CAST: variants seen among roughly 807,000 people sequenced by gnomAD.
CAST encodes the protein MIR583 host.
CAST carries 76 observed loss-of-function variants against 119.6 expected under a neutral mutation model. The observed-to-expected ratio is 0.64, with a 90% CI of 0.53 to 0.77. The LOEUF (loss-of-function observed/expected upper bound fraction) is 0.77, where lower values mean the gene tolerates loss of function less well. Ranked by LOEUF, CAST falls within the 30% of genes least tolerant of loss-of-function variation. The pLI, the probability that CAST is intolerant of heterozygous loss-of-function variation, is 0.00. For synonymous variants in CAST, 319 were observed against 331.6 expected (o/e 0.96, Z 0.41); for missense variants, 953 against 946.5 (o/e 1.01, Z -0.09).
chr5:96,324,420 A>G, the CAST span, among the ~76,000 whole-genome samples: 1 of 152,222 alleles, frequency 6.6e-6, no homozygotes, highest in Non-Finnish European at 1.5e-5. Context: ...ACTGGCCTTT[A>G]TCCTAATCGT....
the CAST span, among the ~76,000 whole-genome samples, chr5:96,511,333 C>T: frequency 1.3e-5 from 2 of 151,910 alleles, no homozygotes; most frequent in Non-Finnish European, 2.9e-5. Context: ...TTAGTAGAGA[C>T]GGGTTTCATC....
chr5:96,626,561 G>A (rs1747727818), intron 1 of CAST, among the ~76,000 whole-genome samples: 1 of 152,116 alleles, frequency 6.6e-6, no homozygotes, highest in South Asian at 2.1e-4. Flanking sequence ...TTCCTCTGAT[G>A]AAGCCCCACC....
At chr5:96,354,282 A>C in the CAST span, among the ~76,000 whole-genome samples, 1 of 152,196 alleles carries the variant, frequency 6.6e-6, no homozygotes, top group Admixed American at 6.6e-5. Context: ...CATAATTTAG[A>C]AGTATTTTTT....
upstream of CAST, among the ~76,000 whole-genome samples, chr5:96,521,158 A>G (rs772466766): frequency 5.3e-5 from 8 of 152,110 alleles, no homozygotes; most frequent in Non-Finnish European, 7.4e-5. Flanking sequence ...TCTTCTTTTG[A>G]TCCCTAGAAC....
chr5:96,744,739 C>T (rs1381329340), intron 16 of CAST, among the ~76,000 whole-genome samples: 3 of 152,134 alleles, frequency 2.0e-5, no homozygotes, highest in Non-Finnish European at 4.4e-5. Context: ...TCAGGAAGGT[C>T]ACTGTCAGCC....
chr5:96,696,317 A>G (rs1178129367), intron 3 of CAST: 2 of 153,228 alleles, frequency 1.3e-5, no homozygotes, highest in Non-Finnish European at 2.9e-5. Context: ...TCCCCTCACA[A>G]TCTTCTTCTT....
At chr5:96,038,060 C>G in the CAST span, among the ~76,000 whole-genome samples, 7 of 152,102 alleles carry the variant, frequency 4.6e-5, no homozygotes, top group Admixed American at 2.6e-4. Context: ...GCAGAAGCTG[C>G]AAGACTTTCT....
intron 1 of CAST, among the ~76,000 whole-genome samples, chr5:96,549,773 TG>T (rs1746091385): frequency 6.6e-6 from 1 of 152,230 alleles, no homozygotes; most frequent in Non-Finnish European, 1.5e-5. Context: ...CCCATACCCA[TG>T]GAGCCTTGCT....
the CAST span, among the ~76,000 whole-genome samples, chr5:96,102,518 C>A: frequency 2.5e-3 from 383 of 152,210 alleles, 1 homozygote; most frequent in Non-Finnish European, 3.7e-3. Flanking sequence ...CAGGAGAGAG[C>A]AGGCAAATAG....
At chr5:96,548,213 T>C (rs1746053229) in intron 1 of CAST, among the ~76,000 whole-genome samples, 1 of 152,238 alleles carries the variant, frequency 6.6e-6, no homozygotes, top group Non-Finnish European at 1.5e-5. Context: ...ATTTATGTAC[T>C]TTCAATTCTC....
the CAST span, among the ~76,000 whole-genome samples, chr5:96,503,275 T>C: frequency 1.3e-5 from 2 of 152,214 alleles, no homozygotes; most frequent in Non-Finnish European, 2.9e-5. Flanking sequence ...TATTCTTGGC[T>C]CATTTTCCTC....
chr5:96,197,060 C>A, the CAST span, among the ~76,000 whole-genome samples: 1 of 152,112 alleles, frequency 6.6e-6, no homozygotes, highest in Non-Finnish European at 1.5e-5. Flanking sequence ...TATTTTTTGG[C>A]CTTTATGTTC....
the CAST span, chr5:95,961,891 C>A: frequency 1.2e-6 from 1 of 846,664 alleles, no homozygotes; most frequent in Non-Finnish European, 1.7e-6. Context: ...CCGCCACCCG[C>A]CCCACCCTCC....
At chr5:96,323,841 C>T in the CAST span, among the ~76,000 whole-genome samples, 6 of 152,194 alleles carry the variant, frequency 3.9e-5, no homozygotes, top group African/African-American at 1.4e-4. Flanking sequence ...CCGGTTAACA[C>T]AGCTCATCTC....
chr5:96,051,674 G>C, the CAST span, among the ~76,000 whole-genome samples: 5 of 152,116 alleles, frequency 3.3e-5, no homozygotes, highest in Non-Finnish European at 5.9e-5. Flanking sequence ...TGAGTGATGA[G>C]GTTAGTGTGA....
At chr5:95,995,489 C>T in the CAST span, among the ~76,000 whole-genome samples, 569 of 152,076 alleles carry the variant, frequency 3.7e-3, 5 homozygotes, top group African/African-American at 0.013. Flanking sequence ...CATGAGTTGA[C>T]CTATTGAATT....
At chr5:96,452,976 A>AAAAAAAAAAGG in the CAST span, among the ~76,000 whole-genome samples, 4 of 142,430 alleles carry the variant, frequency 2.8e-5, no homozygotes, top group South Asian at 8.5e-4. Context: ...AAAAAAAAAA[A>AAAAAAAAAAGG]CAGAAGAAAG....
chr5:96,019,514 CG>C, the CAST span, among the ~76,000 whole-genome samples: 5 of 152,114 alleles, frequency 3.3e-5, no homozygotes, highest in African/African-American at 7.2e-5. Context: ...CTAGATCACT[CG>C]GATGGTCTCT....
In CAST at chr5:96,695,820, A is replaced by G. The variant is rs1753215503; in HGVS notation, c.139-16A>G. On this transcript the variant is annotated splice_polypyrimidine_tract_variant and intron_variant, in intron 2 of 31. Transcript: ENST00000675179. ...GGTGTTTTCCCCCATTGAAACTAAT[A>G]TTTTCTATTTTCAAGAAAAAAGCAG... 6.3e-7 allele frequency: 1 copy of G among 1,589,366 alleles called. No individual in the cohort carries two copies. Among genetic ancestry groups the G allele is most frequent in the Admixed American group, 1.7e-5 (1 of 59,674 alleles).
Sources: gnomAD v4.1 joint callset for allele counts (sites outside exome capture counted in the v4.1 genomes callset) on GRCh38, gnomAD v4.1.1 for gene constraint, MANE v1.5 for transcripts, NCBI Gene and HGNC (gene_info 2026-07-23, HGNC 2026-07-21) for gene names.